The following ARID5B variants were observed in gnomAD, a reference collection of about 807,000 sequenced individuals.
The protein encoded by ARID5B is AT-rich interaction domain 5B.
ARID5B carries 13 observed loss-of-function variants against 97.2 expected under a neutral mutation model. The ratio of observed to expected loss-of-function variants is 0.13; its 90% confidence interval spans 0.09 to 0.21. The LOEUF is 0.21. Ranked by LOEUF, ARID5B falls within the 10% of genes least tolerant of loss-of-function variation. The pLI, the probability that ARID5B is intolerant of heterozygous loss-of-function variation, is 1.00. For synonymous variants in ARID5B, 556 were observed against 570.3 expected, an observed-to-expected ratio of 0.97 and a Z score of 0.36; for missense variants, 1,210 against 1,465.3, an observed-to-expected ratio of 0.83 and a Z score of 2.84.
At chr10:62,026,569 A>T (rs10995015) in intron 4 of ARID5B, among the ~76,000 whole-genome samples, 1,729 of 152,274 alleles carry the variant, frequency 0.011, 32 homozygotes, top group African/African-American at 0.039. Flanking sequence ...ATACTTTTTT[A>T]AAAAAATTAT....
chr10:61,973,337 C>G (rs1838655630), intron 3 of ARID5B, among the ~76,000 whole-genome samples: 1 of 152,092 alleles, frequency 6.6e-6, no homozygotes, highest in Non-Finnish European at 1.5e-5. Context: ...AGGGTTAACC[C>G]AAAAGGTTTT....
At chr10:61,986,696 G>A (rs1838851657) in intron 3 of ARID5B, among the ~76,000 whole-genome samples, 1 of 152,124 alleles carries the variant, frequency 6.6e-6, no homozygotes, top group South Asian at 2.1e-4. Flanking sequence ...AGTGTTTCCC[G>A]TGCTGTGGTG....
intron 3 of ARID5B, among the ~76,000 whole-genome samples, chr10:61,968,107 G>T (rs901233179): frequency 6.9e-6 from 1 of 144,562 alleles, no homozygotes; most frequent in African/African-American, 2.6e-5. Context: ...AGAATTTATA[G>T]GTCTATAAAC....
chr10:61,977,787 A>T (rs534168329), intron 3 of ARID5B, among the ~76,000 whole-genome samples: 1 of 152,272 alleles, frequency 6.6e-6, no homozygotes, highest in Admixed American at 6.5e-5. Flanking sequence ...AGGTTGCAAA[A>T]ATTCTCTCCC....
intron 2 of ARID5B, among the ~76,000 whole-genome samples, chr10:61,920,117 A>G (rs568854446): frequency 6.6e-6 from 1 of 151,374 alleles, no homozygotes; most frequent in Non-Finnish European, 1.5e-5. Flanking sequence ...AGTTGTCTTA[A>G]TTTTTTTTTC....
At chr10:61,979,096 G>A (rs531729785) in intron 3 of ARID5B, among the ~76,000 whole-genome samples, 3 of 152,248 alleles carry the variant, frequency 2.0e-5, no homozygotes, top group Admixed American at 6.5e-5. Context: ...AGAGCTCATC[G>A]GGAGAATTCC....
At chr10:62,057,004 C>A in intron 5 of ARID5B, 113 bp from the exon 6 acceptor site, 1 of 928,802 alleles carries the variant, frequency 1.1e-6, no homozygotes, top group Non-Finnish European at 1.6e-6. Flanking sequence ...GATAATTTAC[C>A]GGTTCACCCT....
intron 3 of ARID5B, among the ~76,000 whole-genome samples, chr10:61,990,506 A>G (rs1838909252): frequency 6.6e-6 from 1 of 152,168 alleles, no homozygotes; most frequent in Admixed American, 6.5e-5. Context: ...GACTGCTCTT[A>G]TCCTTTGGAA....
At chr10:62,009,547 T>C (rs1381451650) in intron 4 of ARID5B, among the ~76,000 whole-genome samples, 1 of 151,858 alleles carries the variant, frequency 6.6e-6, no homozygotes, top group Non-Finnish European at 1.5e-5. Context: ...TTCTGAAGGG[T>C]CACAGACCTG....
chr10:61,902,162 G>T lies in ARID5B; in HGVS notation c.25G>T (p.Val9Phe), dbSNP rs756054366. The T allele has an allele frequency of 1.9e-6, 3 of 1,612,154 alleles. No homozygotes were observed. The highest frequency in any genetic ancestry group is 3.3e-5 in the Admixed American group (2 of 59,934). The change falls in exon 2 of 10, where the codon GTC (valine) becomes TTC (phenylalanine). Residue 9 changes from valine (V) to phenylalanine (F), a missense_variant. Transcript: ENST00000279873. ...GTGTTTTTTTCCCCCCCTGCAGTGGGTCGGCTCACCGTGTGGCTTGCACGG... is the reference window on the plus strand; with the variant it reads ...GTGTTTTTTTCCCCCCCTGCAGTGGTTCGGCTCACCGTGTGGCTTGCACGG... Reference protein sequence around the residue: MEPNSLQWVGSPCGLHGPY... With the variant: MEPNSLQWFGSPCGLHGPY...
chr10:61,924,193 T>C (rs1192810617), intron 2 of ARID5B, among the ~76,000 whole-genome samples: 1 of 152,236 alleles, frequency 6.6e-6, no homozygotes, highest in Non-Finnish European at 1.5e-5. Flanking sequence ...TTCTCTGGCT[T>C]GTACAACCTC....
intron 4 of ARID5B, chr10:62,024,868 C>T (rs1589262916): frequency 2.8e-6 from 1 of 360,314 alleles, no homozygotes; most frequent in East Asian, 3.8e-5. Context: ...GAGAATGGCT[C>T]TGTACCAAAG....
intron 4 of ARID5B, among the ~76,000 whole-genome samples, chr10:62,027,505 G>A (rs1215904376): frequency 6.6e-6 from 1 of 150,968 alleles, no homozygotes; most frequent in African/African-American, 2.4e-5. Context: ...AGTAGAGACG[G>A]GGTTTCACCA....
intron 8 of ARID5B, among the ~76,000 whole-genome samples, chr10:62,083,573 C>T (rs1216823671): frequency 6.6e-6 from 1 of 152,098 alleles, no homozygotes; most frequent in East Asian, 1.9e-4. Context: ...CGTGGTGTCA[C>T]CATCTCCATC....
intron 3 of ARID5B, among the ~76,000 whole-genome samples, chr10:61,970,989 G>GTGTGTGTGTA (rs1486453383): frequency 6.6e-6 from 1 of 151,774 alleles, no homozygotes; most frequent in Non-Finnish European, 1.5e-5. Context: ...GTGTGTGTGT[G>GTGTGTGTGTA]TGTATGTGTG....
intron 8 of ARID5B, among the ~76,000 whole-genome samples, chr10:62,075,570 C>A (rs998051401): frequency 6.6e-6 from 1 of 152,240 alleles, no homozygotes; most frequent in African/African-American, 2.4e-5. Context: ...GAGGACGACT[C>A]GCCACATGTC....
intron 4 of ARID5B, among the ~76,000 whole-genome samples, chr10:62,037,345 G>A (rs1589268755): frequency 1.3e-5 from 2 of 152,132 alleles, no homozygotes; most frequent in East Asian, 3.8e-4. Flanking sequence ...CCCTCACATG[G>A]TTAGAGTCCT....
intron 3 of ARID5B, among the ~76,000 whole-genome samples, chr10:61,942,934 GCTCT>G (rs1346746504): frequency 6.6e-6 from 1 of 152,102 alleles, no homozygotes; most frequent in Admixed American, 6.5e-5. Flanking sequence ...TGATTGGGAG[GCTCT>G]CTCCTGGGGC....
chr10:62,051,154 C>G (rs1395451082), intron 5 of ARID5B, 154 bp downstream of exon 5: 1 of 725,442 alleles, frequency 1.4e-6, no homozygotes, highest in Non-Finnish European at 2.5e-6. Context: ...TGTGCCTGTT[C>G]CTGCCACCTC....
Sources: allele counts gnomAD v4.1 joint callset (sites outside exome capture counted in the v4.1 genomes callset), GRCh38; gene constraint gnomAD v4.1.1; transcripts MANE v1.5; gene names NCBI Gene and HGNC (gene_info 2026-07-23, HGNC 2026-07-21).